Variants in TBC1D22A observed in about 807,000 individuals in gnomAD.
TBC1D22A encodes putative GTPase activator.
A neutral mutation model predicts 60.2 loss-of-function variants in TBC1D22A; 38 were observed. The observed-to-expected ratio is 0.63, with a 90% CI of 0.49 to 0.83. The LOEUF is 0.83. TBC1D22A is among the 40% of genes least tolerant of loss of function. The probability of loss-of-function intolerance (pLI) is 0.00; values close to 1 mark genes in which losing one functional copy is unlikely to be tolerated. For missense variants in TBC1D22A, 628 were observed against 701.0 expected, an observed-to-expected ratio of 0.90 and a Z score of 1.18; for synonymous variants, 302 against 281.7, an observed-to-expected ratio of 1.07 and a Z score of -0.72.
At chr22:47,079,719 A>C (rs540878433) in intron 11 of TBC1D22A, among the ~76,000 whole-genome samples, 10 of 152,342 alleles carry the variant, frequency 6.6e-5, no homozygotes, top group African/African-American at 2.4e-4. Flanking sequence ...CATGTAGGAA[A>C]AAAGAGGAGT....
At chr22:46,856,982 T>A (rs936346740) in intron 4 of TBC1D22A, among the ~76,000 whole-genome samples, 6 of 152,242 alleles carry the variant, frequency 3.9e-5, no homozygotes, top group Non-Finnish European at 8.8e-5. Flanking sequence ...GGTCTAGTCG[T>A]ACAATTGCCT....
chr22:46,950,578 C>T (rs575951844), intron 8 of TBC1D22A, among the ~76,000 whole-genome samples: 2 of 152,250 alleles, frequency 1.3e-5, no homozygotes, highest in East Asian at 3.9e-4. Context: ...AGGTCAGAGC[C>T]AGCTGTCATC....
chr22:47,104,229 G>A (rs1417901495), intron 11 of TBC1D22A, among the ~76,000 whole-genome samples: 1 of 151,964 alleles, frequency 6.6e-6, no homozygotes, highest in Non-Finnish European at 1.5e-5. Context: ...TTGCTTGAAT[G>A]CAGGAGGCAG....
rs534834384 is a variant in TBC1D22A at position 46,990,101 on chromosome 22, G to A, written c.1126-7533G>A. Among the ~76,000 whole-genome samples the A allele has an allele frequency of 6.6e-6, 1 of 152,350 alleles. No homozygotes were observed. Among genetic ancestry groups the A allele is most frequent in the African/African-American group, 2.4e-5 (1 of 41,576 alleles). Reference sequence around the variant, plus strand: ...TTACAGATGTGCGCCACCGCGCCCGGCCGCAAAATGTAAGTTTTATTTAAA... The same window carrying A: ...TTACAGATGTGCGCCACCGCGCCCGACCGCAAAATGTAAGTTTTATTTAAA... On this transcript the variant is annotated intron_variant, in intron 9 of 12. Transcript: ENST00000337137. This position sits in a 1 kb window ranked among gnomAD's most constrained non-coding sequence, Gnocchi z 4.6.
intron 9 of TBC1D22A, among the ~76,000 whole-genome samples, chr22:46,978,424 A>C (rs928032039): frequency 6.6e-6 from 1 of 152,228 alleles, no homozygotes; most frequent in Non-Finnish European, 1.5e-5. Context: ...TTCGAAACAA[A>C]AATGTTTAGT....
intron 8 of TBC1D22A, among the ~76,000 whole-genome samples, chr22:46,945,731 C>T (rs914835117): frequency 2.0e-5 from 3 of 152,196 alleles, no homozygotes; most frequent in African/African-American, 7.2e-5. Flanking sequence ...TGTCAGGGCA[C>T]ACACTTTGCT....
intron 9 of TBC1D22A, among the ~76,000 whole-genome samples, chr22:46,986,734 T>G (rs2074738161): frequency 6.6e-6 from 1 of 152,232 alleles, no homozygotes; most frequent in African/African-American, 2.4e-5. Context: ...ATACAGTTGA[T>G]TTTTGCAAGC....
intron 4 of TBC1D22A, among the ~76,000 whole-genome samples, chr22:46,821,113 C>T (rs139588): frequency 0.43 from 60,439 of 141,594 alleles, 12,572 homozygotes; most frequent in African/African-American, 0.51. Flanking sequence ...CCCTTTATTT[C>T]GAGTCTGTGT....
intron 2 of TBC1D22A, chr22:46,792,887 C>G: frequency 7.0e-7 from 1 of 1,420,684 alleles, no homozygotes; most frequent in Non-Finnish European, 9.2e-7. Flanking sequence ...GCTGGCTTGT[C>G]CTTTCCCCTC....
intron 4 of TBC1D22A, among the ~76,000 whole-genome samples, chr22:46,815,204 T>TC (rs536100507): frequency 4.6e-5 from 7 of 152,222 alleles, no homozygotes. Context: ...CTTGAACACT[T>TC]CCTTGTGTAT....
intron 4 of TBC1D22A, among the ~76,000 whole-genome samples, chr22:46,815,735 A>G (rs1013092927): frequency 1.3e-4 from 20 of 152,122 alleles, no homozygotes; most frequent in African/African-American, 4.8e-4. Flanking sequence ...CAGCTCATCC[A>G]TGTTGAGAGA....
intron 3 of TBC1D22A, among the ~76,000 whole-genome samples, chr22:46,795,681 G>T (rs548993944): frequency 6.6e-6 from 1 of 152,168 alleles, no homozygotes; most frequent in Non-Finnish European, 1.5e-5. Flanking sequence ...ATCATTTACT[G>T]TGTGGCAGGT....
chr22:47,099,957 G>T (rs1165907645), intron 11 of TBC1D22A, among the ~76,000 whole-genome samples: 41 of 152,210 alleles, frequency 2.7e-4, no homozygotes, highest in Non-Finnish European at 4.4e-5. Flanking sequence ...TGAGGGCCTC[G>T]AGCACCAGAG....
chr22:47,156,506 C>T (rs570430430), intron 12 of TBC1D22A, among the ~76,000 whole-genome samples: 1 of 152,258 alleles, frequency 6.6e-6, no homozygotes, highest in African/African-American at 2.4e-5. Flanking sequence ...GAGGACACCT[C>T]ACAGTTGTTA....
chr22:46,867,575 C>T lies in TBC1D22A; in HGVS notation c.638-11078C>T, dbSNP rs556812819. On this transcript the variant is annotated intron_variant, in intron 4 of 12. Coordinates refer to ENST00000337137, the MANE Select transcript of TBC1D22A (RefSeq NM_014346.5). ...TGGATATCAAAGAAGTCTTCCACAT[C>T]GATAAATGCATTACCAGTTGTTAAC... 7.9e-5 allele frequency among the ~76,000 whole-genome samples: 12 copies of T among 152,278 alleles called. No homozygotes were observed. The South Asian group carries it at 2.1e-3, about 26-fold the overall frequency.
At chr22:47,108,990 C>T (rs755116819) in intron 11 of TBC1D22A, among the ~76,000 whole-genome samples, 5 of 152,158 alleles carry the variant, frequency 3.3e-5, no homozygotes, top group South Asian at 2.1e-4. Flanking sequence ...CCACTGCACC[C>T]GGCCTGAAAT....
chr22:46,937,582 T>TA (rs142709274), intron 8 of TBC1D22A, among the ~76,000 whole-genome samples: 19 of 151,642 alleles, frequency 1.3e-4, no homozygotes, highest in African/African-American at 4.1e-4. Context: ...GTAATACTTC[T>TA]AAAAAAAAAG....
At chr22:47,135,229 C>T (rs545397496) in intron 12 of TBC1D22A, among the ~76,000 whole-genome samples, 7 of 152,198 alleles carry the variant, frequency 4.6e-5, no homozygotes, top group South Asian at 2.1e-4. Context: ...CAGGGCTCGG[C>T]GCTGCTTCCC....
Position 46,981,350 on chromosome 22 carries a change from C to CTAGTTAGTTGCAGCATTGGGG in TBC1D22A, c.1125+6953_1125+6973dup, listed in dbSNP as rs566865871. ...CCATAAGGCACTTCCAATTTTGTGG[C>CTAGTTAGTTGCAGCATTGGGG]TAGTTAGTTGCAGCATTGGGGTTTA... On this transcript the variant is annotated intron_variant, in intron 9 of 12. Transcript: ENST00000337137. 5.6e-3 allele frequency among the ~76,000 whole-genome samples: 859 copies of CTAGTTAGTTGCAGCATTGGGG among 152,288 alleles called. 5 individuals carry two copies. The highest frequency in any genetic ancestry group is 1.0e-2 in the Non-Finnish European group (680 of 68,018).
Sources: gnomAD v4.1 joint callset for allele counts (sites outside exome capture counted in the v4.1 genomes callset) on GRCh38, gnomAD v4.1.1 for gene constraint, Gnocchi (gnomAD v3.1) non-coding constraint, MANE v1.5 for transcripts, NCBI Gene and HGNC (gene_info 2026-07-23, HGNC 2026-07-21) for gene names.